Variants in THOC2 observed in about 807,000 individuals in gnomAD.
The protein encoded by THOC2 is THO complex 2.
In THOC2, 10 loss-of-function variants were observed where a neutral mutation model predicts 128.4. The ratio of observed to expected loss-of-function variants is 0.08; its 90% CI spans 0.05 to 0.13. THOC2 has a LOEUF of 0.13. Among genes scored for constraint, THOC2 ranks in the 10% least tolerant of loss-of-function variants. The probability of loss-of-function intolerance (pLI) is 1.00; values close to 1 mark genes in which losing one functional copy is unlikely to be tolerated. For synonymous variants in THOC2, 393 were observed against 396.9 expected, an observed-to-expected ratio of 0.99 and a Z score of 0.12; for missense variants, 535 against 1,155.7, an observed-to-expected ratio of 0.46 and a Z score of 7.79.
intron 12 of THOC2, among the ~76,000 whole-genome samples, chrX:123,650,296 T>C (rs2147731858): frequency 9.0e-6 from 1 of 111,529 alleles, no homozygotes; most frequent in African/African-American, 3.3e-5. Flanking sequence ...TTACATGAGC[T>C]CCTGAAGGAA....
chrX:123,663,915 A>G (rs1217249902), intron 12 of THOC2, among the ~76,000 whole-genome samples: 7 of 111,258 alleles, frequency 6.3e-5, no homozygotes, highest in Non-Finnish European at 7.5e-5. Context: ...GATGGTTTCC[A>G]GCTTCATCCA....
At chrX:123,652,145 G>A (rs1432832488) in intron 12 of THOC2, among the ~76,000 whole-genome samples, 3 of 111,817 alleles carry the variant, frequency 2.7e-5, no homozygotes, top group African/African-American at 6.5e-5. Context: ...ATCAATAAAC[G>A]TAATCCATCA....
At chrX:123,655,005 A>T (rs986725474) in intron 12 of THOC2, among the ~76,000 whole-genome samples, 2 of 110,613 alleles carry the variant, frequency 1.8e-5, no homozygotes, top group African/African-American at 6.6e-5. Context: ...ATAATTTTTT[A>T]TTACTAATGA....
chrX:123,649,023 G>C (rs2048247587), intron 12 of THOC2, among the ~76,000 whole-genome samples: 1 of 112,309 alleles, frequency 8.9e-6, no homozygotes, highest in African/African-American at 3.2e-5. Flanking sequence ...CTGACTGAGA[G>C]ACACTTCCCA....
At chrX:123,625,752 A>G (rs2047247748) in intron 25 of THOC2, among the ~76,000 whole-genome samples, 160 bp downstream of exon 25, 1 of 111,845 alleles carries the variant, frequency 8.9e-6, no homozygotes, top group Admixed American at 9.5e-5. Context: ...ATAACTTGCC[A>G]AAGATCATAC....
intron 33 of THOC2, among the ~76,000 whole-genome samples, chrX:123,615,527 C>T (rs1247717894): frequency 6.4e-5 from 7 of 109,471 alleles, no homozygotes; most frequent in African/African-American, 2.3e-4. Flanking sequence ...CAAGATTTTT[C>T]TAATCGTGAG....
chrX:123,710,712 G>A (rs367708096), intron 2 of THOC2, among the ~76,000 whole-genome samples: 4 of 109,892 alleles, frequency 3.6e-5, no homozygotes, highest in Admixed American at 9.7e-5. Context: ...ATTTTCGGTC[G>A]GGCACGGTGG....
intron 1 of THOC2, among the ~76,000 whole-genome samples, chrX:123,730,931 G>A (rs902116308): frequency 3.6e-5 from 4 of 112,021 alleles, no homozygotes; most frequent in Non-Finnish European, 5.6e-5. Context: ...GCGACAGAGC[G>A]AGACTCCGTC....
chrX:123,671,882 C>T (rs1182180061), intron 8 of THOC2, 121 bp from the exon 9 acceptor site: 1 of 355,272 alleles, frequency 2.8e-6, no homozygotes, highest in Non-Finnish European at 5.0e-6. Context: ...AAATGCTTCA[C>T]TGCTCTTCCT....
chrX:123,657,166 G>C (rs2048629747), intron 12 of THOC2, among the ~76,000 whole-genome samples: 1 of 111,814 alleles, frequency 8.9e-6, no homozygotes, highest in Non-Finnish European at 1.9e-5. Flanking sequence ...TTCTGAGCTT[G>C]AGGATATCTC....
At chrX:123,648,892 A>G (rs2048241909) in intron 12 of THOC2, among the ~76,000 whole-genome samples, 1 of 112,185 alleles carries the variant, frequency 8.9e-6, no homozygotes, top group Non-Finnish European at 1.9e-5. Context: ...GCACAGCTTC[A>G]GCAGACTTAA....
At chrX:123,603,543 GA>G in intron 38 of THOC2, 3 of 888,995 alleles carry the variant, frequency 3.4e-6, no homozygotes, top group Non-Finnish European at 4.9e-6. Flanking sequence ...GCCTGGAGGT[GA>G]AAATAATGTT....
At chrX:123,658,692 G>GT (rs996429540) in intron 12 of THOC2, among the ~76,000 whole-genome samples, 1 of 112,421 alleles carries the variant, frequency 8.9e-6, no homozygotes, top group Admixed American at 9.4e-5. Flanking sequence ...GCCAGGGGTT[G>GT]TGAGGAGAGA....
At chrX:123,656,352 AAGAGAG>A (rs1161132096) in intron 12 of THOC2, among the ~76,000 whole-genome samples, 7 of 100,142 alleles carry the variant, frequency 7.0e-5, no homozygotes, top group East Asian at 6.2e-4. Context: ...AAAAAAAAAA[AAGAGAG>A]AGAGAGAGAG....
chrX:123,619,142 A>AT (rs1481089272), intron 33 of THOC2, among the ~76,000 whole-genome samples: 1 of 112,364 alleles, frequency 8.9e-6, no homozygotes, highest in Non-Finnish European at 1.9e-5. Flanking sequence ...AGGAGAAGGT[A>AT]TAACACAGCA....
rs767662906 is a variant in THOC2, at chrX:123,619,457, T to C, written c.4276-21A>G. The C allele has an allele frequency of 6.6e-6, 8 of 1,206,723 alleles. 1 individual carries two copies. The African/African-American group carries it at 1.4e-4, about 21-fold the overall frequency. ...CTGTCCTGTAGAAAATGAATGGAGA[T>C]GACAGGTGAGCTGGCATAGTTCTCA... On this transcript the variant is annotated intron_variant, in intron 32 of 38. Coordinates refer to ENST00000245838, the MANE Select transcript of THOC2 (RefSeq NM_001081550.2).
chrX:123,715,760 G>A (rs756695826), intron 1 of THOC2, among the ~76,000 whole-genome samples: 3 of 103,571 alleles, frequency 2.9e-5, no homozygotes, highest in African/African-American at 1.1e-4. Flanking sequence ...ACTCCAGCCT[G>A]GGTGACAAAG....
At chrX:123,636,340 T>C (rs1353107590) in intron 18 of THOC2, among the ~76,000 whole-genome samples, 165 bp from the exon 19 acceptor site, 1 of 112,169 alleles carries the variant, frequency 8.9e-6, no homozygotes, top group Non-Finnish European at 1.9e-5. Flanking sequence ...TGAGCATACA[T>C]ATGTCAAGCA....
At chrX:123,626,208 A>G (rs2047264979) in intron 24 of THOC2, 139 bp from the exon 25 acceptor site, 9 of 458,226 alleles carry the variant, frequency 2.0e-5, no homozygotes, top group Middle Eastern at 6.2e-4. Flanking sequence ...ACCAAATGTC[A>G]TGCCTGGTCA....
Sources: allele counts gnomAD v4.1 joint callset (sites outside exome capture counted in the v4.1 genomes callset), GRCh38; gene constraint gnomAD v4.1.1; transcripts MANE v1.5; gene names NCBI Gene and HGNC (gene_info 2026-07-23, HGNC 2026-07-21).